The following TRPM6 variants were observed in gnomAD, a reference collection of about 807,000 sequenced individuals.
TRPM6 encodes the protein transient receptor potential cation channel subfamily M member 6.
In TRPM6, 111 loss-of-function variants were observed where a neutral mutation model predicts 247.6. The observed-to-expected ratio is 0.45, with a 90% CI of 0.38 to 0.52. The LOEUF is 0.52. Ranked by LOEUF, TRPM6 falls within the 20% of genes least tolerant of loss-of-function variation. The pLI, the probability that TRPM6 is intolerant of heterozygous loss-of-function variation, is 0.00. For missense variants in TRPM6, 2,126 were observed against 2,421.5 expected, an observed-to-expected ratio of 0.88 and a Z score of 2.56; for synonymous variants, 892 against 853.8, an observed-to-expected ratio of 1.04 and a Z score of -0.78.
intron 25 of TRPM6, among the ~76,000 whole-genome samples, chr9:74,763,986 T>C (rs1465755465): frequency 6.6e-6 from 1 of 151,892 alleles, no homozygotes; most frequent in Admixed American, 6.6e-5. Context: ...CCATCTCTAC[T>C]AAAAAATACA....
intron 4 of TRPM6, among the ~76,000 whole-genome samples, chr9:74,840,828 C>CAA (rs371038378): frequency 1.3e-3 from 136 of 108,230 alleles, no homozygotes; most frequent in East Asian, 3.8e-3. Flanking sequence ...GACTCTGTCT[C>CAA]AAAAAAAAAA....
intron 11 of TRPM6, 99 bp from the exon 12 acceptor site, chr9:74,812,532 A>G: frequency 1.7e-6 from 2 of 1,178,690 alleles, no homozygotes; most frequent in Non-Finnish European, 2.4e-6. Context: ...AAACACAATA[A>G]TTTTAAAATA....
chr9:74,812,330 G>T lies in TRPM6; in HGVS notation c.1412C>A (p.Thr471Asn). 1 of 1,613,846 alleles carries T rather than the reference G, an allele frequency of 6.2e-7. No individual in the cohort carries two copies. The highest frequency in any genetic ancestry group is 8.5e-7 in the Non-Finnish European group (1 of 1,179,870). Reference protein sequence around the residue: ...EYGVNLHRFLTIPRLEELYNT... With the variant: ...EYGVNLHRFLNIPRLEELYNT... The stretch of plus-strand genomic sequence containing the variant: ...GTAGAGCTCTTCCAGTCGAGGGATG[G>T]TAAGAAAGCGATGGAGGTTCACTCC... Residue 471 changes from threonine (T) to asparagine (N), a missense_variant, in exon 12 of 39, where the codon ACC (threonine) becomes AAC (asparagine). Around this residue, in one of 3 missense-constraint regions of TRPM6, gnomAD observed 1,082 missense variants for 1,307.9 expected, o/e 0.83. Transcript: ENST00000360774.
chr9:74,759,805 C>T (rs879606154), intron 27 of TRPM6, among the ~76,000 whole-genome samples: 2 of 151,866 alleles, frequency 1.3e-5, no homozygotes, highest in Non-Finnish European at 2.9e-5. Flanking sequence ...TTTCAAAGGA[C>T]GTTTACGAAA....
At chr9:74,796,678 G>A (rs567225007) in intron 18 of TRPM6, 63 bp downstream of exon 18, 4 of 1,535,994 alleles carry the variant, frequency 2.6e-6, no homozygotes, top group African/African-American at 1.4e-5. Context: ...AAACTTTAAG[G>A]ATGTGTATAT....
chr9:74,755,274 A>G (rs1587472004), intron 28 of TRPM6, 79 bp downstream of exon 28: 3 of 1,456,460 alleles, frequency 2.1e-6, no homozygotes, highest in Admixed American at 3.3e-5. Flanking sequence ...AACAGGAGGA[A>G]CCGCCAATGG....
chr9:74,887,505 T>C, intron 1 of TRPM6: 1 of 1,143,770 alleles, frequency 8.7e-7, no homozygotes, highest in Non-Finnish European at 1.2e-6. Flanking sequence ...CCGGGGTGTT[T>C]CCCACCGCCC....
intron 6 of TRPM6, among the ~76,000 whole-genome samples, chr9:74,829,906 C>G (rs1389147724): frequency 6.6e-6 from 1 of 152,094 alleles, no homozygotes; most frequent in African/African-American, 2.4e-5. Flanking sequence ...AGGAAGATCA[C>G]TTGAGGCCAA....
At chr9:74,857,372 C>T (rs564501814) in intron 2 of TRPM6, among the ~76,000 whole-genome samples, 1 of 152,104 alleles carries the variant, frequency 6.6e-6, no homozygotes, top group East Asian at 1.9e-4. Context: ...AGTTCTAAAC[C>T]TTAAAGGCAT....
At chr9:74,729,371 C>T (rs1825445448) in intron 37 of TRPM6, among the ~76,000 whole-genome samples, 1 of 152,180 alleles carries the variant, frequency 6.6e-6, no homozygotes, top group African/African-American at 2.4e-5. Flanking sequence ...AGGATTGAAA[C>T]ATTTATCTCA....
chr9:74,828,680 G>C (rs1388678988), intron 6 of TRPM6, among the ~76,000 whole-genome samples: 1 of 148,268 alleles, frequency 6.7e-6, no homozygotes, highest in African/African-American at 2.5e-5. Flanking sequence ...CCAGGCTGGA[G>C]TGCAGTGGCA....
intron 1 of TRPM6, among the ~76,000 whole-genome samples, chr9:74,866,679 C>G (rs1396397365): frequency 6.6e-6 from 1 of 152,042 alleles, no homozygotes; most frequent in Non-Finnish European, 1.5e-5. Context: ...CAGGGTTTTA[C>G]CATGTTGGCC....
At position 74,853,444 on chromosome 9, in the gene TRPM6, G is replaced by C. The variant is rs375491720; in HGVS notation, c.152+2083C>G. On this transcript the variant is annotated intron_variant, in intron 3 of 38. Coordinates refer to ENST00000360774, the MANE Select transcript of TRPM6 (RefSeq NM_017662.5). ...GGGGGAAATGTGGGGAAAAGGAAGA[G>C]AAATCAGATTGTTACCGTGTCTGTG... 1.3e-3 allele frequency among the ~76,000 whole-genome samples: 195 copies of C among 152,356 alleles called. 1 individual carries two copies. Among genetic ancestry groups the C allele is most frequent in the Middle Eastern group, 6.8e-3 (2 of 294 alleles).
chr9:74,739,478 A>G, intron 34 of TRPM6, 29 bp from the exon 35 acceptor site: 1 of 1,596,378 alleles, frequency 6.3e-7, no homozygotes, highest in Non-Finnish European at 8.6e-7. Context: ...TGATAAAAAT[A>G]CTGATTTACT....
chr9:74,865,837 T>G (rs11144122), intron 1 of TRPM6, among the ~76,000 whole-genome samples: 36,325 of 152,160 alleles, frequency 0.24, 5,243 homozygotes, highest in Middle Eastern at 0.43. Flanking sequence ...ACAGGCGTGA[T>G]CACAGCACAC....
rs544302550 is a variant in TRPM6, at chr9:74,740,647, G to C, written c.5201-638C>G. 7.0e-4 allele frequency among the ~76,000 whole-genome samples: 106 copies of C among 152,240 alleles called. 1 individual carries two copies. Among genetic ancestry groups the C allele is most frequent in the Non-Finnish European group, 1.2e-3 (83 of 68,012 alleles). On this transcript the variant is annotated intron_variant, in intron 33 of 38. Coordinates refer to ENST00000360774, the MANE Select transcript of TRPM6 (RefSeq NM_017662.5). ...TTAATAATCTTGTGCACAAAACAAA[G>C]TTTTGACAGTGTCTTGACTCTGACC...
At chr9:74,755,231 C>T in intron 28 of TRPM6, 122 bp downstream of exon 28, 4 of 1,074,696 alleles carry the variant, frequency 3.7e-6, no homozygotes, top group Non-Finnish European at 5.7e-6. Flanking sequence ...CAGAGTGTAG[C>T]CATCTTCTCT....
At chr9:74,831,046 ATAT>A (rs897658538) in intron 6 of TRPM6, among the ~76,000 whole-genome samples, 10 of 151,954 alleles carry the variant, frequency 6.6e-5, no homozygotes, top group African/African-American at 2.2e-4. Flanking sequence ...TCTTATCACA[ATAT>A]TATTATTATT....
At chr9:74,776,966 A>T (rs1344145788) in intron 23 of TRPM6, among the ~76,000 whole-genome samples, 2 of 152,322 alleles carry the variant, frequency 1.3e-5, no homozygotes, top group East Asian at 3.9e-4. Flanking sequence ...GATAACCCAT[A>T]ACTTGAACAG....
Sources: allele counts gnomAD v4.1 joint callset (sites outside exome capture counted in the v4.1 genomes callset), GRCh38; gene constraint gnomAD v4.1.1; regional missense constraint gnomAD v4.1.1; transcripts MANE v1.5; gene names NCBI Gene and HGNC (gene_info 2026-07-23, HGNC 2026-07-21).